Variants in STAG1 observed in about 807,000 individuals in gnomAD.
STAG1 encodes the protein STAG1 cohesin complex component.
STAG1 carries 26 observed loss-of-function variants against 170.9 expected under a neutral mutation model. That is an observed-to-expected ratio of 0.15 (90% CI 0.11 to 0.21). STAG1 has a LOEUF of 0.21. STAG1 is among the 10% of genes least tolerant of loss of function. The pLI, the probability that STAG1 is intolerant of heterozygous loss-of-function variation, is 1.00. For missense variants in STAG1, 964 were observed against 1,509.5 expected, an observed-to-expected ratio of 0.64 and a Z score of 5.99; for synonymous variants, 514 against 497.7, an observed-to-expected ratio of 1.03 and a Z score of -0.44.
chr3:136,457,370 T>C (rs142452060), intron 13 of STAG1, among the ~76,000 whole-genome samples: 12 of 152,178 alleles, frequency 7.9e-5, no homozygotes, highest in East Asian at 1.9e-4. Flanking sequence ...TCAAAGAAAA[T>C]AGTAAACTGT....
intron 1 of STAG1, among the ~76,000 whole-genome samples, chr3:136,641,237 T>C (rs368058427): frequency 1.3e-5 from 2 of 152,306 alleles, no homozygotes; most frequent in East Asian, 3.9e-4. Context: ...AACATCACAA[T>C]ATTTTTTCAG....
At chr3:136,407,173 T>C (rs1205129546) in intron 21 of STAG1, among the ~76,000 whole-genome samples, 1 of 152,150 alleles carries the variant, frequency 6.6e-6, no homozygotes, top group African/African-American at 2.4e-5. Flanking sequence ...ATTACAGGCA[T>C]GTGCCACCAT....
intron 21 of STAG1, 86 bp from the exon 22 acceptor site, chr3:136,398,915 C>T (rs2087243196): frequency 1.4e-6 from 1 of 710,732 alleles, no homozygotes; most frequent in Admixed American, 3.7e-5. Flanking sequence ...TAATATTTAT[C>T]ACAGTTGTTA....
chr3:136,609,392 T>A (rs932666840), intron 3 of STAG1: 2 of 148,534 alleles, frequency 1.3e-5, no homozygotes, highest in South Asian at 2.1e-4. Context: ...TATATAAATT[T>A]GTATATAAAT....
intron 28 of STAG1, among the ~76,000 whole-genome samples, chr3:136,353,086 T>C (rs1330673239): frequency 6.6e-6 from 1 of 152,158 alleles, no homozygotes; most frequent in Non-Finnish European, 1.5e-5. Context: ...AAATTTACTA[T>C]AGTGGCTTGA....
At chr3:136,366,350 C>T (rs557290721) in intron 25 of STAG1, among the ~76,000 whole-genome samples, 1 of 152,156 alleles carries the variant, frequency 6.6e-6, no homozygotes, top group East Asian at 1.9e-4. Flanking sequence ...TATCAGTATG[C>T]TACATTATAT....
At chr3:136,608,729 G>A (rs1462297692) in intron 3 of STAG1, among the ~76,000 whole-genome samples, 2 of 150,084 alleles carry the variant, frequency 1.3e-5, no homozygotes, top group African/African-American at 4.9e-5. Flanking sequence ...GAATGAGCCG[G>A]GGAGGTGGAG....
intron 7 of STAG1, among the ~76,000 whole-genome samples, chr3:136,511,971 C>A (rs1489398805): frequency 2.0e-5 from 3 of 151,600 alleles, no homozygotes; most frequent in Non-Finnish European, 4.4e-5. Context: ...AAAACAAGCA[C>A]TGGGCGTGTG....
intron 1 of STAG1, among the ~76,000 whole-genome samples, chr3:136,682,422 T>C (rs1942365338): frequency 6.7e-6 from 1 of 148,758 alleles, no homozygotes; most frequent in African/African-American, 2.5e-5. Flanking sequence ...GGGACTCTGT[T>C]TCACAAAATT....
intron 8 of STAG1, among the ~76,000 whole-genome samples, 200 bp downstream of exon 8, chr3:136,502,428 G>A (rs1219423933): frequency 6.6e-6 from 1 of 152,080 alleles, no homozygotes; most frequent in East Asian, 1.9e-4. Flanking sequence ...AAACAGAGGT[G>A]TTCTATGATT....
chr3:136,745,903 G>C lies in STAG1; in HGVS notation c.-84+6292C>G, dbSNP rs928936359. On this transcript the variant is annotated intron_variant, in intron 1 of 33. Coordinates refer to ENST00000383202, the MANE Select transcript of STAG1 (RefSeq NM_005862.3). ...AAATTTGTGTTGAGCCACATTCAAA[G>C]CCATTCTGGGCTGCATGCAGCCCAT... 2.6e-5 allele frequency among the ~76,000 whole-genome samples: 4 copies of C among 152,196 alleles called. No individual in the cohort carries two copies. In the South Asian group the frequency reaches 6.2e-4, roughly 24 times the overall value.
At chr3:136,487,542 C>T (rs181140273) in intron 9 of STAG1, among the ~76,000 whole-genome samples, 1 of 152,240 alleles carries the variant, frequency 6.6e-6, no homozygotes, top group South Asian at 2.1e-4. Context: ...CATGTGGGGC[C>T]AGAGAGCCTA....
chr3:136,502,812 A>C, intron 7 of STAG1, 33 bp from the exon 8 acceptor site: 1 of 1,494,396 alleles, frequency 6.7e-7, no homozygotes, highest in Non-Finnish European at 8.9e-7. Context: ...AATACCTATG[A>C]ATCAAAACTT....
rs201499594 is a variant in STAG1 at position 136,349,128 on chromosome 3, T to C, written c.3271+30A>G. 8.9e-5 allele frequency: 136 copies of C among 1,530,408 alleles called. No individual in the cohort carries two copies. In the East Asian group the frequency reaches 2.9e-3, roughly 32 times the overall value. The allele number at this position is 1,530,408 out of a possible 1,614,324, so 94.8% of individuals were successfully genotyped here. A position where few individuals can be genotyped will look rare whatever the true frequency, so the allele number is the denominator to read the frequency against. On this transcript the variant is annotated intron_variant, in intron 29 of 33. Coordinates refer to ENST00000383202, the MANE Select transcript of STAG1 (RefSeq NM_005862.3). ...CTTTATCTCTTTAAAACCAGGCAAA[T>C]TGTTTCTTATAGTGTAAAGGCAGAC...
intron 1 of STAG1, among the ~76,000 whole-genome samples, chr3:136,714,938 A>T (rs1392788401): frequency 5.9e-4 from 56 of 95,718 alleles, no homozygotes; most frequent in African/African-American, 2.3e-3. Flanking sequence ...ATATATATTA[A>T]ATATATATAT....
chr3:136,664,130 A>G (rs1480840717), intron 1 of STAG1, among the ~76,000 whole-genome samples: 1 of 152,198 alleles, frequency 6.6e-6, no homozygotes, highest in Non-Finnish European at 1.5e-5. Flanking sequence ...TATTCTTCAA[A>G]CTATGGGGTT....
rs368058749 is a variant in STAG1, at chr3:136,693,303, C to T, written c.-84+58892G>A. On this transcript the variant is annotated intron_variant, in intron 1 of 33. Transcript: ENST00000383202. ...CCGTGGCTGGTTGAGACTGGTGGGG[C>T]TGAGGACCAATATGGTTGCTCCTGT... Among the ~76,000 whole-genome samples, 5 of 152,256 alleles carry T rather than the reference C, an allele frequency of 3.3e-5. No homozygotes were observed. The East Asian group carries it at 9.7e-4, about 29-fold the overall frequency.
At chr3:136,690,035 G>A (rs1248634389) in intron 1 of STAG1, among the ~76,000 whole-genome samples, 1 of 86,168 alleles carries the variant, frequency 1.2e-5, no homozygotes, top group Non-Finnish European at 2.1e-5. Flanking sequence ...GTGAGATTCT[G>A]TAACAAAAGA....
chr3:136,539,234 C>T (rs923684553), intron 6 of STAG1, among the ~76,000 whole-genome samples: 1 of 152,034 alleles, frequency 6.6e-6, no homozygotes, highest in Non-Finnish European at 1.5e-5. Flanking sequence ...CCTATCATAT[C>T]CGTAATATTT....
Sources: allele counts gnomAD v4.1 joint callset (sites outside exome capture counted in the v4.1 genomes callset), GRCh38; gene constraint gnomAD v4.1.1; transcripts MANE v1.5; gene names NCBI Gene and HGNC (gene_info 2026-07-23, HGNC 2026-07-21).